ARHGAP29: variants seen among roughly 807,000 people sequenced by gnomAD.
ARHGAP29 encodes rho GTPase-activating protein 29.
ARHGAP29 carries 43 observed loss-of-function variants against 122.6 expected under a neutral mutation model. The ratio of observed to expected loss-of-function variants is 0.35; its 90% CI spans 0.27 to 0.45. ARHGAP29 has a LOEUF of 0.45. Among genes scored for constraint, ARHGAP29 ranks in the 20% least tolerant of loss-of-function variants. ARHGAP29 has a pLI of 1.00. For missense variants in ARHGAP29, 1,303 were observed against 1,477.2 expected, an observed-to-expected ratio of 0.88 and a Z score of 1.93; for synonymous variants, 506 against 497.1, an observed-to-expected ratio of 1.02 and a Z score of -0.24.
chr1:94,238,654 G>A (rs1424137240), upstream of ARHGAP29, among the ~76,000 whole-genome samples: 1 of 152,200 alleles, frequency 6.6e-6, no homozygotes, highest in East Asian at 1.9e-4. Flanking sequence ...AGGAGAATGT[G>A]CTGAGGAAAA....
the ARHGAP29 span, among the ~76,000 whole-genome samples, chr1:94,306,230 G>A: frequency 7.9e-5 from 12 of 152,346 alleles, no homozygotes; most frequent in East Asian, 2.1e-3. Flanking sequence ...CTGTGATGGG[G>A]ATGGGCAGGG....
In ARHGAP29 at chr1:94,169,792, C is replaced by T. The variant is rs114167901; in HGVS notation, c.*4077G>A. On this transcript the variant is annotated 3_prime_UTR_variant, in exon 23 of 23. Coordinates refer to ENST00000260526, the MANE Select transcript of ARHGAP29 (RefSeq NM_004815.4). ...AGTAGGAAAAAGTGTAAGATGAGCT[C>T]GTAAAAAAAATAAGAGGGGAAAAAG... 2.8e-4 allele frequency among the ~76,000 whole-genome samples: 43 copies of T among 151,228 alleles called. No homozygotes were observed. The highest frequency in any genetic ancestry group is 5.0e-4 in the Non-Finnish European group (34 of 67,848).
chr1:94,257,496 C>G (rs1185302266), intron 1 of ARHGAP29, among the ~76,000 whole-genome samples: 1 of 152,072 alleles, frequency 6.6e-6, no homozygotes. Flanking sequence ...CTGCTTGAAC[C>G]CAGGATTTTG....
At chr1:94,273,422 A>G (rs756451874) in intron 1 of ARHGAP29, among the ~76,000 whole-genome samples, 1 of 152,214 alleles carries the variant, frequency 6.6e-6, no homozygotes, top group Non-Finnish European at 1.5e-5. Context: ...ACCCTTGGAA[A>G]TTCTTGGCTT....
chr1:94,255,237 AAC>A (rs1654291831), intron 1 of ARHGAP29, among the ~76,000 whole-genome samples: 1 of 152,320 alleles, frequency 6.6e-6, no homozygotes, highest in South Asian at 2.1e-4. Flanking sequence ...TTAGGATGCC[AAC>A]ACACACAGAG....
chr1:94,189,596 C>T (rs1650012000), intron 13 of ARHGAP29, among the ~76,000 whole-genome samples: 1 of 152,064 alleles, frequency 6.6e-6, no homozygotes, highest in African/African-American at 2.4e-5. Flanking sequence ...TAATTCATGT[C>T]ATGGTTAAAC....
upstream of ARHGAP29, among the ~76,000 whole-genome samples, chr1:94,278,227 A>C (rs1459452548): frequency 1.3e-5 from 2 of 152,138 alleles, no homozygotes; most frequent in Non-Finnish European, 2.9e-5. Flanking sequence ...GCTGAGGCAG[A>C]GAGATAATTT....
chr1:94,219,791 A>G (rs570006341), intron 3 of ARHGAP29, among the ~76,000 whole-genome samples: 4 of 152,312 alleles, frequency 2.6e-5, no homozygotes, highest in East Asian at 3.9e-4. Flanking sequence ...ACACCCATAC[A>G]TATATGATAA....
At chr1:94,191,008 A>G (rs1014748557) in intron 12 of ARHGAP29, 7 of 152,162 alleles carry the variant, frequency 4.6e-5, no homozygotes, top group African/African-American at 1.7e-4. Context: ...AGCTTCATGG[A>G]GATCAATCCA....
At chr1:94,254,830 T>C (rs1654266948) in intron 1 of ARHGAP29, among the ~76,000 whole-genome samples, 1 of 152,194 alleles carries the variant, frequency 6.6e-6, no homozygotes, top group South Asian at 2.1e-4. Flanking sequence ...ACAGCTTTTC[T>C]TGAACACCAA....
chr1:94,206,423 T>C (rs1651193440), intron 5 of ARHGAP29, among the ~76,000 whole-genome samples: 3 of 152,202 alleles, frequency 2.0e-5, no homozygotes, highest in African/African-American at 4.8e-5. Context: ...CGAGGAGACC[T>C]GGGTCTGAAG....
At chr1:94,314,121 T>C in the ARHGAP29 span, among the ~76,000 whole-genome samples, 1 of 152,170 alleles carries the variant, frequency 6.6e-6, no homozygotes, top group Non-Finnish European at 1.5e-5. Context: ...ACTTAAAGTA[T>C]AATAAAATAA....
rs1212245477 is a variant in ARHGAP29, at chr1:94,201,038, G to A, written c.1281+682C>T. ...AGGTTTTCCATGTAATTAATTTTAC[G>A]AAAAACATTTTAAAGAGTAAATAAA... On this transcript the variant is annotated intron_variant, in intron 12 of 22. Transcript: ENST00000260526. 7.9e-5 allele frequency among the ~76,000 whole-genome samples: 12 copies of A among 152,236 alleles called. No individual in the cohort carries two copies. The East Asian group carries it at 1.3e-3, about 17-fold the overall frequency.
chr1:94,204,595 T>C (rs1451063793), intron 7 of ARHGAP29, among the ~76,000 whole-genome samples: 1 of 152,262 alleles, frequency 6.6e-6, no homozygotes. Flanking sequence ...TCAGCTGTAA[T>C]ATAGGAAAAA....
chr1:94,194,013 C>A (rs1197465508), intron 12 of ARHGAP29: 1 of 152,142 alleles, frequency 6.6e-6, no homozygotes, highest in Non-Finnish European at 1.5e-5. Context: ...GGTAAAGGAA[C>A]TTCTACGGTG....
intron 11 of ARHGAP29, chr1:94,202,074 T>C (rs975777468): frequency 8.8e-6 from 4 of 456,882 alleles, no homozygotes; most frequent in African/African-American, 2.0e-5. Flanking sequence ...GTCTATAAAA[T>C]ATTTGCTTCT....
At chr1:94,307,024 T>C in the ARHGAP29 span, among the ~76,000 whole-genome samples, 1 of 152,228 alleles carries the variant, frequency 6.6e-6, no homozygotes, top group African/African-American at 2.4e-5. Context: ...TATTCGTATA[T>C]ATTATTATTT....
intron 3 of ARHGAP29, among the ~76,000 whole-genome samples, chr1:94,215,150 C>CA (rs1318511457): frequency 1.4e-5 from 2 of 144,474 alleles, no homozygotes; most frequent in African/African-American, 2.5e-5. Context: ...GGAAAAAAAC[C>CA]AAAAAAGCTA....
Position 94,219,866 on chromosome 1 carries a change from T to G in ARHGAP29, c.340+392A>C, listed in dbSNP as rs1652183046. On this transcript the variant is annotated intron_variant, in intron 3 of 22. Coordinates refer to ENST00000260526, the MANE Select transcript of ARHGAP29 (RefSeq NM_004815.4). ...TAAGGTCCCAATTAAGCCTTCTTTTTCTCCATTTGATTCCCTCTTTTAAGT... is the reference window on the plus strand; with the variant it reads ...TAAGGTCCCAATTAAGCCTTCTTTTGCTCCATTTGATTCCCTCTTTTAAGT... Among the ~76,000 whole-genome samples the G allele has an allele frequency of 2.0e-5, 3 of 152,210 alleles. No homozygotes were observed. In the East Asian group the frequency reaches 5.8e-4, roughly 29 times the overall value.
Sources: allele counts gnomAD v4.1 joint callset (sites outside exome capture counted in the v4.1 genomes callset), GRCh38; gene constraint gnomAD v4.1.1; transcripts MANE v1.5; gene names NCBI Gene and HGNC (gene_info 2026-07-23, HGNC 2026-07-21).